RGS5: variants seen among roughly 807,000 people sequenced by gnomAD.
The protein encoded by RGS5 is regulator of G-protein signalling 5.
Under a neutral mutation model 18.9 loss-of-function variants are expected in RGS5, and 20 were observed. That is an observed-to-expected ratio of 1.06 (90% CI 0.74 to 1.54). The LOEUF is 1.54. Ranked by LOEUF, RGS5 falls within the 40% of genes most tolerant of loss-of-function variation. The pLI is 0.00. For synonymous variants in RGS5, 57 were observed against 76.2 expected (o/e 0.75, Z 1.31); for missense variants, 201 against 211.8 (o/e 0.95, Z 0.32).
At position 163,168,448 on chromosome 1, in the gene RGS5, A is replaced by G. The variant is rs1322482268; in HGVS notation, c.45-80T>C. 9 of 1,046,922 alleles carry G rather than the reference A, an allele frequency of 8.6e-6. No individual in the cohort carries two copies. In the Admixed American group the frequency reaches 1.7e-4, roughly 20 times the overall value. 64.9% of individuals were successfully genotyped at this position (1,046,922 alleles called of 1,614,324 possible). On this transcript the variant is annotated intron_variant, in intron 1 of 4. Transcript: ENST00000313961. ...AAGAAGAGATTTCTTCCTGTGTCAG[A>G]GAAACAAAAATGAACAAAATCCCAT...
In RGS5 at chr1:163,230,146, GA is replaced by G. The variant is rs1204973937; in HGVS notation, c.-280-61779del. ...GTGTCATTTCTTAATCAAAAGCATT[GA>G]GAGAGGAGATGTTTATAATTAGAGA... On this transcript the variant is annotated intron_variant, in intron 2 of 5. Transcript: ENST00000618415. Among the ~76,000 whole-genome samples the G allele has an allele frequency of 4.6e-5, 7 of 152,298 alleles. No homozygotes were observed. The East Asian group carries it at 9.7e-4, about 21-fold the overall frequency.
chr1:163,233,170 C>T (rs1647528196), intron 2 of RGS5, among the ~76,000 whole-genome samples: 1 of 152,162 alleles, frequency 6.6e-6, no homozygotes, highest in Admixed American at 6.5e-5. Flanking sequence ...TGAACAGGAG[C>T]ACTACTTGAG....
chr1:163,152,738 G>C (rs1354939), intron 3 of RGS5, 22 bp from the exon 4 acceptor site: 968,614 of 1,552,776 alleles, frequency 0.62, 308,895 homozygotes, highest in Admixed American at 0.74. Flanking sequence ...AAAACAGTCA[G>C]CTGGAGAAAT....
At chr1:163,292,853 T>A (rs1168778228) in intron 2 of RGS5, among the ~76,000 whole-genome samples, 2 of 126,626 alleles carry the variant, frequency 1.6e-5, no homozygotes, top group Non-Finnish European at 3.7e-5. Flanking sequence ...TTTGCTCACT[T>A]TTTAATGGGG....
At chr1:163,230,454 C>T (rs568584809) in intron 2 of RGS5, among the ~76,000 whole-genome samples, 77 of 143,546 alleles carry the variant, frequency 5.4e-4, no homozygotes, top group African/African-American at 1.5e-3. Flanking sequence ...TGGGTGGTTA[C>T]CTTAGTTGTA....
intron 2 of RGS5, among the ~76,000 whole-genome samples, chr1:163,223,788 T>G (rs1557910961): frequency 1.3e-5 from 2 of 152,214 alleles, no homozygotes; most frequent in African/African-American, 4.8e-5. Flanking sequence ...CTTGCAATTA[T>G]CTTAGCGTAT....
At chr1:163,217,436 G>A in intron 1 of RGS5, 3 of 1,343,970 alleles carry the variant, frequency 2.2e-6, no homozygotes, top group Non-Finnish European at 1.9e-6. Context: ...AGCACTATTG[G>A]CATCCTTCCA....
intron 2 of RGS5, among the ~76,000 whole-genome samples, chr1:163,239,589 A>G (rs976836830): frequency 3.9e-5 from 6 of 152,210 alleles, no homozygotes; most frequent in Non-Finnish European, 8.8e-5. Context: ...AACATTTTAA[A>G]TAAGGCTAGT....
intron 1 of RGS5, among the ~76,000 whole-genome samples, chr1:163,180,378 C>G (rs1658761127): frequency 6.6e-6 from 1 of 152,192 alleles, no homozygotes; most frequent in South Asian, 2.1e-4. Context: ...TTTTCCTCTT[C>G]CTATTGCAGT....
intron 2 of RGS5, among the ~76,000 whole-genome samples, chr1:163,283,836 A>C (rs1649062799): frequency 6.6e-6 from 1 of 152,206 alleles, no homozygotes; most frequent in Admixed American, 6.5e-5. Context: ...CATAACTGCA[A>C]GGAGATGAAA....
At chr1:163,222,163 C>T (rs1016108952), upstream of RGS5, among the ~76,000 whole-genome samples, 3 of 152,112 alleles carry the variant, frequency 2.0e-5, no homozygotes, top group Admixed American at 6.6e-5. Context: ...AGTACCAGTT[C>T]GTGACCTGTT....
intron 2 of RGS5, among the ~76,000 whole-genome samples, chr1:163,270,969 T>A (rs1327091934): frequency 6.6e-6 from 1 of 152,174 alleles, no homozygotes. Context: ...TGTTGAGGTA[T>A]AATTTAAATA....
chr1:163,180,995 CCT>C (rs1242922957), intron 1 of RGS5, among the ~76,000 whole-genome samples: 15 of 152,070 alleles, frequency 9.9e-5, no homozygotes, highest in African/African-American at 3.4e-4. Flanking sequence ...CGCCCGCCCC[CCT>C]GTTCTTATCC....
At chr1:163,282,759 AG>A (rs931351740) in intron 2 of RGS5, among the ~76,000 whole-genome samples, 2 of 152,100 alleles carry the variant, frequency 1.3e-5, no homozygotes, top group African/African-American at 4.8e-5. Flanking sequence ...ATATTTTCCA[AG>A]AATCCTACTA....
intron 1 of RGS5, among the ~76,000 whole-genome samples, chr1:163,185,796 A>G (rs1268490637): frequency 1.3e-5 from 2 of 152,224 alleles, no homozygotes; most frequent in Non-Finnish European, 2.9e-5. Context: ...TGCAATGCAT[A>G]AACTTATTTA....
At chr1:163,282,532 C>T (rs1042616984) in intron 2 of RGS5, among the ~76,000 whole-genome samples, 1 of 151,966 alleles carries the variant, frequency 6.6e-6, no homozygotes, top group Non-Finnish European at 1.5e-5. Flanking sequence ...TAAGTGAGAT[C>T]CTGTCTCTAT....
intron 2 of RGS5, among the ~76,000 whole-genome samples, chr1:163,255,123 C>A (rs1439630542): frequency 6.6e-6 from 1 of 151,934 alleles, no homozygotes; most frequent in East Asian, 1.9e-4. Context: ...ATTGACTTGG[C>A]GATGTGGGCT....
At chr1:163,237,908 AT>A (rs2101688863) in intron 2 of RGS5, 1 of 154,286 alleles carries the variant, frequency 6.5e-6, no homozygotes, top group South Asian at 2.0e-4. Context: ...TACACTACAG[AT>A]TGATGTTGCC....
intron 1 of RGS5, among the ~76,000 whole-genome samples, chr1:163,214,885 C>T (rs1660182257): frequency 6.6e-6 from 1 of 152,112 alleles, no homozygotes; most frequent in Non-Finnish European, 1.5e-5. Context: ...TTCTTCATTA[C>T]TTTGTGGTTT....
Sources: gnomAD v4.1 joint callset for allele counts (sites outside exome capture counted in the v4.1 genomes callset) on GRCh38, gnomAD v4.1.1 for gene constraint, MANE v1.5 for transcripts, NCBI Gene and HGNC (gene_info 2026-07-23, HGNC 2026-07-21) for gene names.